Variants in TMEM87A observed in about 807,000 individuals in gnomAD.
The protein encoded by TMEM87A is Golgi-pH regulating cation channel.
Under a neutral mutation model 90.0 loss-of-function variants are expected in TMEM87A, and 50 were observed. That is an observed-to-expected ratio of 0.56 (90% CI 0.44 to 0.70). The LOEUF is 0.70. Ranked by LOEUF, TMEM87A falls within the 30% of genes least tolerant of loss-of-function variation. TMEM87A has a pLI of 0.00. For missense variants in TMEM87A, 577 were observed against 660.5 expected (o/e 0.87, Z 1.39); for synonymous variants, 226 against 226.7 (o/e 1.00, Z 0.03).
intron 2 of TMEM87A, among the ~76,000 whole-genome samples, chr15:42,268,237 C>G (rs1268618170): frequency 6.6e-6 from 1 of 152,114 alleles, no homozygotes; most frequent in East Asian, 1.9e-4. Flanking sequence ...AGAAAAATAG[C>G]AGGTAAGCAG....
At chr15:42,214,932 A>G (rs1482657374) in intron 19 of TMEM87A, among the ~76,000 whole-genome samples, 1 of 152,254 alleles carries the variant, frequency 6.6e-6, no homozygotes. Flanking sequence ...AAATATTTGC[A>G]TACTACATAC....
chr15:42,268,101 C>T, intron 2 of TMEM87A, 69 bp from the exon 3 acceptor site: 3 of 1,322,038 alleles, frequency 2.3e-6, no homozygotes, highest in Non-Finnish European at 3.2e-6. Context: ...AAGCTGTTAA[C>T]CTATATCCTA....
At chr15:42,240,517 C>T (rs2050849314) in intron 7 of TMEM87A, among the ~76,000 whole-genome samples, 1 of 152,124 alleles carries the variant, frequency 6.6e-6, no homozygotes, top group Non-Finnish European at 1.5e-5. Flanking sequence ...TTTAATGAGA[C>T]AGATAAAGTA....
chr15:42,236,857 G>A (rs182526668), intron 9 of TMEM87A, among the ~76,000 whole-genome samples: 1 of 152,158 alleles, frequency 6.6e-6, no homozygotes, highest in East Asian at 1.9e-4. Flanking sequence ...AAAGACCAGG[G>A]AAAATCTTAT....
chr15:42,216,849 C>A (rs375023618), intron 19 of TMEM87A, among the ~76,000 whole-genome samples: 1 of 150,264 alleles, frequency 6.7e-6, no homozygotes, highest in African/African-American at 2.5e-5. Context: ...CAAAAGGCTT[C>A]CTGAAAAAAA....
intron 6 of TMEM87A, among the ~76,000 whole-genome samples, chr15:42,248,529 T>C (rs1216894639): frequency 2.0e-5 from 3 of 152,248 alleles, no homozygotes; most frequent in African/African-American, 7.2e-5. Flanking sequence ...TTTTGGCATC[T>C]ATTGAGATAA....
Position 42,252,352 on chromosome 15 carries a change from G to A in TMEM87A, c.505-8185C>T, listed in dbSNP as rs893686532. Among the ~76,000 whole-genome samples the A allele has an allele frequency of 3.9e-5, 6 of 151,978 alleles. No individual in the cohort carries two copies. In the South Asian group the frequency reaches 6.2e-4, roughly 16 times the overall value. On this transcript the variant is annotated intron_variant, in intron 6 of 19. Coordinates refer to ENST00000389834, the MANE Select transcript of TMEM87A (RefSeq NM_015497.5). ...GTCGATCACGCTGGGAGCTGTAGAC[G>A]GAGCTGTTCCTATTTGGCCATCTTG...
chr15:42,226,557 T>C (rs1475470903), intron 15 of TMEM87A: 2 of 418,174 alleles, frequency 4.8e-6, no homozygotes, highest in East Asian at 3.7e-5. Context: ...TGAAAGGAAC[T>C]TCATGTTGCT....
intron 15 of TMEM87A, among the ~76,000 whole-genome samples, chr15:42,223,494 G>A (rs1595710852): frequency 6.6e-6 from 1 of 152,368 alleles, no homozygotes; most frequent in East Asian, 1.9e-4. Context: ...CAGGGTGACA[G>A]TGTTGGGAGT....
chr15:42,242,063 T>C (rs1350144435), intron 7 of TMEM87A, among the ~76,000 whole-genome samples: 6 of 125,912 alleles, frequency 4.8e-5, no homozygotes, highest in Non-Finnish European at 9.7e-5. Context: ...TGAGACTCTA[T>C]CTCAAAAAAA....
chr15:42,227,720 T>C lies in TMEM87A; in HGVS notation c.1290A>G (p.Thr430=), dbSNP rs751374488. The stretch of plus-strand genomic sequence containing the variant: ...TGTGCTTATAACTCACCGACTGACA[T>C]GTCACTATTCTGAACTTCATGGTTG... The part of the protein sequence containing the change: ...IWTTMKFRIV[T]CQSDWRELWV... Residue 430 remains threonine (T), a synonymous_variant, in exon 14 of 20, where the codon ACA becomes ACG. Coordinates refer to ENST00000389834, the MANE Select transcript of TMEM87A (RefSeq NM_015497.5). The C allele has an allele frequency of 7.4e-6, 12 of 1,613,744 alleles. No individual in the cohort carries two copies. Among genetic ancestry groups the C allele is most frequent in the Non-Finnish European group, 8.5e-6 (10 of 1,179,828 alleles).
chr15:42,232,479 T>C (rs918249458), intron 11 of TMEM87A, among the ~76,000 whole-genome samples: 1 of 152,124 alleles, frequency 6.6e-6, no homozygotes, highest in Non-Finnish European at 1.5e-5. Context: ...GCTGCATTTT[T>C]TTTTCTTTTT....
Position 42,237,559 on chromosome 15 carries a change from C to T in TMEM87A, c.741G>A (p.Trp247Ter). 6.2e-7 allele frequency: 1 copy of T among 1,614,096 alleles called. No individual in the cohort carries two copies. Among genetic ancestry groups the T allele is most frequent in the Non-Finnish European group, 8.5e-7 (1 of 1,179,998 alleles). ...YVLFGVLWLA[W>*]SACYWRDLLR... ...GGAGATCTCTCCAGTAGCAGGCAGA[C>T]CATGCCAGCCACAGAACACCAAACA... is the stretch of plus-strand genomic sequence containing the variant. Residue 247 changes from tryptophan to a stop codon, truncating the protein, a stop_gained, in exon 9 of 20, where the codon TGG (tryptophan) becomes TGA (stop). Coordinates refer to ENST00000389834, the MANE Select transcript of TMEM87A (RefSeq NM_015497.5). LOFTEE classifies it high-confidence loss of function.
chr15:42,255,110 G>A (rs1184469301), intron 6 of TMEM87A, among the ~76,000 whole-genome samples: 2 of 151,730 alleles, frequency 1.3e-5, no homozygotes, highest in Non-Finnish European at 2.9e-5. Context: ...CTATAGGCAT[G>A]CACAACCATG....
chr15:42,225,307 G>GC (rs1269630921), intron 15 of TMEM87A, among the ~76,000 whole-genome samples: 2 of 151,740 alleles, frequency 1.3e-5, no homozygotes, highest in African/African-American at 4.9e-5. Flanking sequence ...AAATGGGGGG[G>GC]GGGGGAAGGC....
At chr15:42,273,209 A>T (rs1448516280) in intron 1 of TMEM87A, 46 bp downstream of exon 1, 1 of 1,608,468 alleles carries the variant, frequency 6.2e-7, no homozygotes, top group Non-Finnish European at 8.5e-7. Context: ...CCGTAGCCCC[A>T]CCCCTTGCTC....
chr15:42,258,877 A>G, intron 6 of TMEM87A: 1 of 1,524,936 alleles, frequency 6.6e-7, no homozygotes, highest in Non-Finnish European at 8.8e-7. Flanking sequence ...CTACTCATCC[A>G]TAAAAGCAAC....
chr15:42,234,448 T>TC (rs1489701655), intron 10 of TMEM87A, among the ~76,000 whole-genome samples: 1 of 152,176 alleles, frequency 6.6e-6, no homozygotes, highest in African/African-American at 2.4e-5. Context: ...GGGAATTTTC[T>TC]CCCCATTCAT....
At chr15:42,227,416 T>C (rs1341536736) in intron 14 of TMEM87A, among the ~76,000 whole-genome samples, 2 of 152,166 alleles carry the variant, frequency 1.3e-5, no homozygotes, top group Non-Finnish European at 2.9e-5. Flanking sequence ...ACTCTGGACT[T>C]CTTAAGATTT....
Sources: allele counts gnomAD v4.1 joint callset (sites outside exome capture counted in the v4.1 genomes callset), GRCh38; gene constraint gnomAD v4.1.1; transcripts MANE v1.5; gene names NCBI Gene and HGNC (gene_info 2026-07-23, HGNC 2026-07-21).